CEP72: variants seen among roughly 807,000 people sequenced by gnomAD.
CEP72 encodes the protein centrosomal protein of 72 kDa.
In CEP72, 78 loss-of-function variants were observed where a neutral mutation model predicts 65.7. The ratio of observed to expected loss-of-function variants is 1.19; its 90% CI spans 0.99 to 1.43. The LOEUF (loss-of-function observed/expected upper bound fraction) is 1.43, where lower values mean the gene tolerates loss of function less well. Ranked by LOEUF, CEP72 falls within the 40% of genes most tolerant of loss-of-function variation. CEP72 has a pLI of 0.00. For missense variants in CEP72, 914 were observed against 832.9 expected, an observed-to-expected ratio of 1.10 and a Z score of -1.20; for synonymous variants, 358 against 351.7, an observed-to-expected ratio of 1.02 and a Z score of -0.20.
chr5:660,797 G>A (rs1739559678), downstream of CEP72: 1 of 152,332 alleles, frequency 6.6e-6, no homozygotes, highest in African/African-American at 2.4e-5. Context: ...ATGGGGGCTG[G>A]GGTAGGAGGT....
downstream of CEP72, among the ~76,000 whole-genome samples, chr5:659,564 G>A (rs1580057968): frequency 1.3e-5 from 2 of 152,184 alleles, no homozygotes; most frequent in South Asian, 4.1e-4. Context: ...GGGGGCTCTG[G>A]TGGTGTTCAC....
chr5:621,629 C>T (rs1321325931), intron 3 of CEP72, among the ~76,000 whole-genome samples: 1 of 152,208 alleles, frequency 6.6e-6, no homozygotes. Context: ...GGAGGAGCAC[C>T]TAAGCGCCTC....
downstream of CEP72, chr5:662,014 C>G (rs775366378): frequency 6.6e-6 from 1 of 152,512 alleles, no homozygotes; most frequent in Admixed American, 6.5e-5. Context: ...CAGGCCAGGA[C>G]GGGCAGGGTG....
chr5:668,759 A>G (rs568590781), downstream of CEP72, among the ~76,000 whole-genome samples: 3 of 152,362 alleles, frequency 2.0e-5, no homozygotes, highest in South Asian at 6.2e-4. Context: ...GCTCGTAGTC[A>G]CCAAACCCCA....
At chr5:676,073 T>G in the CEP72 span, 1 of 152,204 alleles carries the variant, frequency 6.6e-6, no homozygotes, top group Non-Finnish European at 1.5e-5. Flanking sequence ...TGGCCCTGGT[T>G]GCCTCTGCCG....
chr5:647,712 A>G (rs1469920646), intron 10 of CEP72, 93 bp from the exon 11 acceptor site: 3 of 826,014 alleles, frequency 3.6e-6, no homozygotes, highest in Non-Finnish European at 5.9e-6. Context: ...CTGGTAACCA[A>G]GATCCAGTTT....
chr5:637,996 G>A (rs1211469328), intron 7 of CEP72, among the ~76,000 whole-genome samples, 178 bp downstream of exon 7: 2 of 152,212 alleles, frequency 1.3e-5, no homozygotes, highest in Admixed American at 1.3e-4. Flanking sequence ...CCTCCCTGAT[G>A]CGGGGCTGTT....
At chr5:655,712 CAT>C (rs1425283286), downstream of CEP72, 1 of 152,232 alleles carries the variant, frequency 6.6e-6, no homozygotes, top group Non-Finnish European at 1.5e-5. This position sits in a 1 kb window ranked among gnomAD's most constrained non-coding sequence, Gnocchi z 5.0. Context: ...AGCACCTTCT[CAT>C]GTGTCTGCGG....
intron 9 of CEP72, 114 bp downstream of exon 9, chr5:640,718 C>T (rs1737957351): frequency 2.1e-6 from 3 of 1,450,432 alleles, no homozygotes; most frequent in Non-Finnish European, 2.7e-6. Context: ...GCCATCTCTG[C>T]AGCCCCATGT....
the CEP72 span, among the ~76,000 whole-genome samples, chr5:675,320 GGCCGGGGGTGC>G: frequency 1.9e-5 from 2 of 104,346 alleles, no homozygotes; most frequent in Non-Finnish European, 3.9e-5. Context: ...GGTACAGTGT[GGCCGGGGGTGC>G]AGTGTGGCTG....
intron 4 of CEP72, chr5:666,232 C>T (rs1739907498): frequency 7.4e-7 from 1 of 1,346,804 alleles, no homozygotes; most frequent in Non-Finnish European, 1.0e-6. Context: ...AGCCCACAGG[C>T]TTCACCCACA....
chr5:637,737 C>G lies in CEP72; in HGVS notation c.1125C>G (p.Ser375Arg). Residue 375 changes from serine (S) to arginine (R), a missense_variant, in exon 7 of 12, where the codon AGC becomes AGG. Transcript: ENST00000264935. ...ESLSRQDSSE[S>R]RNGRTLSQPE... ...TGAGCAGACAGGACAGCTCAGAAAG[C>G]AGGAACGGGAGGACCTTGTCTCAGC... The G allele has an allele frequency of 1.9e-6, 3 of 1,613,012 alleles. No homozygotes were observed. Among genetic ancestry groups the G allele is most frequent in the Non-Finnish European group, 2.5e-6 (3 of 1,179,748 alleles).
chr5:649,325 G>C (rs1554017892), intron 11 of CEP72, among the ~76,000 whole-genome samples: 1 of 134,938 alleles, frequency 7.4e-6, no homozygotes, highest in African/African-American at 3.0e-5. Context: ...GTGACTGTGA[G>C]GCGTGACTGT....
Position 620,169 on chromosome 5 carries a change from T to C in CEP72, c.311T>C (p.Val104Ala). The change falls in exon 3 of 12, where the codon GTG becomes GCG. Residue 104 changes from valine (V) to alanine (A), a missense_variant. Val to Ala is a moderately conservative substitution (Grantham distance 64). Transcript: ENST00000264935. ...CGGCTCCACGCCTTAACCGAGCTCG[T>C]GGATGTGGACTTCCGGCTGAACCCC... ...VFRLHALTEL[V>A]DVDFRLNPVV... The C allele has an allele frequency of 6.2e-7, 1 of 1,614,128 alleles. No individual in the cohort carries two copies. The highest frequency in any genetic ancestry group is 1.7e-5 in the Admixed American group (1 of 60,008).
At chr5:641,091 C>T (rs1477661866) in intron 9 of CEP72, 1 of 985,336 alleles carries the variant, frequency 1.0e-6, no homozygotes, top group Non-Finnish European at 1.2e-6. Context: ...TCAGGCTCAG[C>T]TCAGCCAGGC....
At chr5:667,882 A>G (rs59653254), downstream of CEP72, among the ~76,000 whole-genome samples, 12,211 of 45,846 alleles carry the variant, frequency 0.27, 1,947 homozygotes, top group African/African-American at 0.49. Context: ...ACAAGCACAC[A>G]GAGAGGGGGC....
intron 1 of CEP72, among the ~76,000 whole-genome samples, chr5:613,193 G>T (rs72703097): frequency 0.012 from 1,753 of 152,310 alleles, 16 homozygotes; most frequent in Non-Finnish European, 0.019. Flanking sequence ...TTGTTAGCCT[G>T]TTAATGTCTG....
At position 631,746 on chromosome 5, in the gene CEP72, C is replaced by G. The variant is rs529126660; in HGVS notation, c.513-2023C>G. 9.2e-3 allele frequency among the ~76,000 whole-genome samples: 679 copies of G among 73,468 alleles called. 1 individual carries two copies. The highest frequency in any genetic ancestry group is 0.015 in the Admixed American group (103 of 6,790). The allele number at this position is 73,468 out of a possible 152,430, so 48.2% of individuals were successfully genotyped here. On this transcript the variant is annotated intron_variant, in intron 4 of 11. Coordinates refer to ENST00000264935, the MANE Select transcript of CEP72 (RefSeq NM_018140.4). ...GACCCAGTCCTGGTGGGGTGCTGTC[C>G]AGTGCCGGGATTTAGACCAGTCCTG...
In CEP72 at chr5:647,827, G is replaced by T; in HGVS notation, c.1689G>T (p.Arg563Ser). 6.2e-7 allele frequency: 1 copy of T among 1,612,484 alleles called. No individual in the cohort carries two copies. The highest frequency in any genetic ancestry group is 8.5e-7 in the Non-Finnish European group (1 of 1,179,816). The change falls in exon 11 of 12, where the codon AGG becomes AGT. Residue 563 changes from arginine to serine, a missense_variant. Transcript: ENST00000264935. ...CAGGACTTCAAACAAGTGTGAAGAG[G>T]CTGTGTGGCGAGATTGTGGAACTGA... ...QIAGLQTSVK[R>S]LCGEIVELKQ... is the part of the protein sequence containing the mutation.
Sources: gnomAD v4.1 joint callset for allele counts (sites outside exome capture counted in the v4.1 genomes callset) on GRCh38, gnomAD v4.1.1 for gene constraint, Gnocchi (gnomAD v3.1) non-coding constraint, MANE v1.5 for transcripts, NCBI Gene and HGNC (gene_info 2026-07-23, HGNC 2026-07-21) for gene names.